Variants in ADCY1 observed in about 807,000 individuals in gnomAD.
ADCY1 encodes adenylate cyclase 1, also known as adenylate cyclase type 1.
A neutral mutation model predicts 105.4 loss-of-function variants in ADCY1; 28 were observed. That is an observed-to-expected ratio of 0.27 (90% CI 0.20 to 0.36). The LOEUF (loss-of-function observed/expected upper bound fraction) is 0.36. Ranked by LOEUF, ADCY1 falls within the 10% of genes least tolerant of loss-of-function variation. The pLI, the probability that ADCY1 is intolerant of heterozygous loss-of-function variation, is 1.00. For missense variants in ADCY1, 977 were observed against 1,434.2 expected (o/e 0.68, Z 5.15); for synonymous variants, 655 against 623.8 (o/e 1.05, Z -0.75).
chr7:45,689,285 A>G (rs1289999790), intron 14 of ADCY1, among the ~76,000 whole-genome samples: 2 of 152,064 alleles, frequency 1.3e-5, no homozygotes, highest in African/African-American at 4.8e-5. Context: ...GCATAAATAC[A>G]TCTGCATTAA....
rs1284348806 is a variant in ADCY1, at chr7:45,717,503, ATTAT to A, written c.*3514_*3517del. The A allele has an allele frequency of 6.6e-6, 1 of 152,520 alleles. No homozygotes were observed. The allele number at this position is 152,520 out of a possible 1,614,324, so 9.4% of individuals were successfully genotyped here. On this transcript the variant is annotated 3_prime_UTR_variant, in exon 20 of 20. Coordinates refer to ENST00000297323, the MANE Select transcript of ADCY1 (RefSeq NM_021116.4). ...GCCATTCGGGTAGGATTCTCTCTAA[ATTAT>A]TTATTGAAGAGGCTTTGTAAATAGT...
At chr7:45,583,253 A>C (rs1792617562) in intron 1 of ADCY1, among the ~76,000 whole-genome samples, 1 of 152,158 alleles carries the variant, frequency 6.6e-6, no homozygotes, top group African/African-American at 2.4e-5. Flanking sequence ...ATGTGTTTCC[A>C]TGCGTGTATG....
intron 7 of ADCY1, among the ~76,000 whole-genome samples, chr7:45,660,793 GCAGGGCTCAGGTGAGGGATT>G (rs1195192827): frequency 1.4e-5 from 2 of 145,968 alleles, no homozygotes; most frequent in Non-Finnish European, 3.0e-5. Flanking sequence ...AGGTGAGGGT[GCAGGGCTCAGGTGAGGGATT>G]CAGGGCTCAG....
chr7:45,704,891 C>T (rs1214467828), intron 17 of ADCY1, among the ~76,000 whole-genome samples: 1 of 151,872 alleles, frequency 6.6e-6, no homozygotes, highest in Non-Finnish European at 1.5e-5. Flanking sequence ...TGCTCCATTA[C>T]CTCCCGCACT....
rs147839125 is a variant in ADCY1 at position 45,666,088 on chromosome 7, G to C, written c.1605+3874G>C. ...GGAGTCAGCTCTGTGTTTTAGCATG[G>C]TTTAAAAAATCACCAGTATGCTCAA... is the stretch of plus-strand genomic sequence containing the variant. On this transcript the variant is annotated intron_variant, in intron 8 of 19. Transcript: ENST00000297323. 2.2e-3 allele frequency among the ~76,000 whole-genome samples: 339 copies of C among 152,182 alleles called. 2 individuals carry two copies. Among genetic ancestry groups the C allele is most frequent in the African/African-American group, 8.0e-3 (333 of 41,518 alleles).
rs553193256 is a variant in ADCY1, at chr7:45,708,969, T to G, written c.2932+505T>G. Among the ~76,000 whole-genome samples the G allele has an allele frequency of 4.1e-3, 438 of 107,118 alleles. 3 individuals carry two copies. The highest frequency in any genetic ancestry group is 0.015 in the African/African-American group (388 of 26,686). The allele number at this position is 107,118 out of a possible 152,430, so 70.3% of individuals were successfully genotyped here. On this transcript the variant is annotated intron_variant, in intron 18 of 19. Transcript: ENST00000297323. This position sits in a 1 kb window ranked among gnomAD's most constrained non-coding sequence, Gnocchi z 4.7. ...GCTTTTATAAAACTATGATTTGTTG[T>G]TTTTTTTTTTAATCATAAATTCACT...
chr7:45,641,920 G>A (rs1203471567), intron 4 of ADCY1, among the ~76,000 whole-genome samples: 1 of 11,384 alleles, frequency 8.8e-5, no homozygotes, highest in African/African-American at 2.7e-4. Context: ...GCGACAGAGC[G>A]AGACTCCGTC....
At chr7:45,603,842 A>C (rs1793307835) in intron 2 of ADCY1, among the ~76,000 whole-genome samples, 1 of 152,212 alleles carries the variant, frequency 6.6e-6, no homozygotes, top group African/African-American at 2.4e-5. Flanking sequence ...TTCACTCAGC[A>C]TAATTATTTG....
At chr7:45,681,363 A>C (rs1450280320) in intron 11 of ADCY1, among the ~76,000 whole-genome samples, 1 of 151,640 alleles carries the variant, frequency 6.6e-6, no homozygotes, top group African/African-American at 2.4e-5. Flanking sequence ...CTCTTGGTGG[A>C]CTCTGCCCTG....
In ADCY1 at chr7:45,721,567, C is replaced by T. The variant is rs1785472097; in HGVS notation, c.*7572C>T. On this transcript the variant is annotated 3_prime_UTR_variant, in exon 20 of 20. Transcript: ENST00000297323. ...CCTGCTCAGCTTCTGCTCAGGAGTT[C>T]TGTGAGCTATGGGAAGGCCATTGGT... 1.0e-5 allele frequency: 4 copies of T among 397,684 alleles called. No individual in the cohort carries two copies. The South Asian group carries it at 4.1e-4, about 41-fold the overall frequency. 24.6% of individuals were successfully genotyped at this position (397,684 alleles called of 1,614,324 possible).
intron 3 of ADCY1, among the ~76,000 whole-genome samples, chr7:45,610,815 G>T (rs796087661): frequency 2.6e-4 from 16 of 61,832 alleles, no homozygotes; most frequent in South Asian, 1.1e-3. Flanking sequence ...TGATGGTGGA[G>T]GTATGGAGGT....
chr7:45,610,945 T>G (rs1793561378), intron 3 of ADCY1, among the ~76,000 whole-genome samples: 1 of 143,186 alleles, frequency 7.0e-6, no homozygotes, highest in South Asian at 2.2e-4. Flanking sequence ...GGTGAGGAGG[T>G]GATAGTGGAG....
At chr7:45,619,236 G>C (rs569870952) in intron 3 of ADCY1, among the ~76,000 whole-genome samples, 2 of 152,298 alleles carry the variant, frequency 1.3e-5, no homozygotes, top group East Asian at 3.9e-4. Context: ...GCCACAGGGA[G>C]AGATTGGTTA....
In ADCY1 at chr7:45,716,081, C is replaced by T. The variant is rs146708130; in HGVS notation, c.*2086C>T. Reference sequence around the variant, plus strand: ...CATCTTCCTTGGGTGGTCCTCATGTCGCTGTCCGCTCATGTTCCTGGTGTT... The same window carrying T: ...CATCTTCCTTGGGTGGTCCTCATGTTGCTGTCCGCTCATGTTCCTGGTGTT... On this transcript the variant is annotated 3_prime_UTR_variant, in exon 20 of 20. Coordinates refer to ENST00000297323, the MANE Select transcript of ADCY1 (RefSeq NM_021116.4). The T allele has an allele frequency of 1.3e-5, 2 of 152,656 alleles. No individual in the cohort carries two copies. Among genetic ancestry groups the T allele is most frequent in the Admixed American group, 6.5e-5 (1 of 15,282 alleles). 9.5% of individuals were successfully genotyped at this position (152,656 alleles called of 1,614,324 possible). A position where few individuals can be genotyped will look rare whatever the true frequency, so the allele number is the denominator to read the frequency against.
intron 8 of ADCY1, chr7:45,664,680 A>T: frequency 3.2e-6 from 1 of 312,562 alleles, no homozygotes; most frequent in Non-Finnish European, 5.5e-6. Context: ...GTACACAGGC[A>T]GTTTGGTTGC....
chr7:45,588,152 G>A lies in ADCY1; in HGVS notation c.640-4607G>A, dbSNP rs80184164. ...TTGGGTTACAATTCAATACTGCTTT[G>A]TGTTGCTCAAATTGTTCCAACTTTG... On this transcript the variant is annotated intron_variant, in intron 1 of 19. Transcript: ENST00000297323. Among the ~76,000 whole-genome samples, 896 of 152,190 alleles carry A rather than the reference G, an allele frequency of 5.9e-3. 8 individuals are homozygous for A. The highest frequency in any genetic ancestry group is 0.02 in the African/African-American group (848 of 41,504).
intron 12 of ADCY1, among the ~76,000 whole-genome samples, chr7:45,685,645 G>GAACAGGATGGAGCTGGGGCAGGAGT (rs1241114521): frequency 6.6e-6 from 1 of 151,480 alleles, no homozygotes; most frequent in African/African-American, 2.4e-5. Flanking sequence ...GGGGCAGGAG[G>GAACAGGATGGAGCTGGGGCAGGAGT]AACAGGATGG....
In ADCY1 at chr7:45,632,738, A is replaced by AT. The variant is rs200612961; in HGVS notation, c.1020+10007dup. On this transcript the variant is annotated intron_variant, in intron 4 of 19. Transcript: ENST00000297323. ...GCCACCATGCCCAGCTAATTTTTAAATTTTTTTTTTTTGTAGAGACAGGGT... is the reference window on the plus strand; with the variant it reads ...GCCACCATGCCCAGCTAATTTTTAAATTTTTTTTTTTTTGTAGAGACAGGGT... 8.5e-4 allele frequency among the ~76,000 whole-genome samples: 124 copies of AT among 145,958 alleles called. 1 individual carries two copies. The highest frequency in any genetic ancestry group is 3.5e-3 in the Middle Eastern group (1 of 282).
intron 11 of ADCY1, among the ~76,000 whole-genome samples, chr7:45,683,481 T>G (rs1784601646): frequency 6.6e-6 from 1 of 152,140 alleles, no homozygotes; most frequent in Non-Finnish European, 1.5e-5. Context: ...CCACAAGGCC[T>G]GAGCTTCTCT....
Sources: allele counts gnomAD v4.1 joint callset (sites outside exome capture counted in the v4.1 genomes callset), GRCh38; gene constraint gnomAD v4.1.1; non-coding constraint Gnocchi (gnomAD v3.1); transcripts MANE v1.5; gene names NCBI Gene and HGNC (gene_info 2026-07-23, HGNC 2026-07-21).